MAMLD1: variants seen among roughly 807,000 people sequenced by gnomAD.
The protein encoded by MAMLD1 is mastermind like domain containing 1.
A neutral mutation model predicts 45.0 loss-of-function variants in MAMLD1; 14 were observed. That is an observed-to-expected ratio of 0.31 (90% CI 0.21 to 0.49). MAMLD1 has a LOEUF of 0.49. MAMLD1 is among the 20% of genes least tolerant of loss of function. The pLI is 0.99. For synonymous variants in MAMLD1, 254 were observed against 247.8 expected, an observed-to-expected ratio of 1.02 and a Z score of -0.24; for missense variants, 543 against 603.6, an observed-to-expected ratio of 0.90 and a Z score of 1.05.
chrX:150,406,179 T>A lies in MAMLD1; in HGVS notation c.-63-39275T>A, dbSNP rs1557402662. The stretch of plus-strand genomic sequence containing the variant: ...ACATGGTGCTTAGGACCTTATAGTG[T>A]CTCTTTTTAACCCTCGCAGCATCTG... On this transcript the variant is annotated intron_variant, in intron 1 of 7. Transcript: ENST00000370401. Among the ~76,000 whole-genome samples the A allele has an allele frequency of 3.6e-5, 4 of 110,996 alleles. No homozygotes were observed. The South Asian group carries it at 1.2e-3, about 32-fold the overall frequency.
At chrX:150,473,977 C>A (rs970109973) in intron 5 of MAMLD1, among the ~76,000 whole-genome samples, 175 bp downstream of exon 5, 1 of 111,542 alleles carries the variant, frequency 9.0e-6, no homozygotes, top group Non-Finnish European at 1.9e-5. Context: ...GGAGAAAGAC[C>A]GAACAGTCAA....
intron 3 of MAMLD1, among the ~76,000 whole-genome samples, chrX:150,464,476 T>C (rs2036155440): frequency 8.9e-6 from 1 of 112,361 alleles, no homozygotes; most frequent in Non-Finnish European, 1.9e-5. Context: ...GAAAGATCAG[T>C]TTCAGTTTGC....
At chrX:150,418,476 C>T (rs1557403210) in intron 1 of MAMLD1, among the ~76,000 whole-genome samples, 4 of 102,694 alleles carry the variant, frequency 3.9e-5, no homozygotes, top group South Asian at 4.7e-4. Flanking sequence ...TTGCCTTCTG[C>T]TAGCTTTTGA....
At chrX:150,454,913 G>A (rs957186146) in intron 2 of MAMLD1, among the ~76,000 whole-genome samples, 1 of 109,800 alleles carries the variant, frequency 9.1e-6, no homozygotes, top group South Asian at 4.0e-4. Flanking sequence ...CCTTACCTCC[G>A]TCATTACCAC....
chrX:150,448,297 G>A (rs1329281340), intron 2 of MAMLD1, among the ~76,000 whole-genome samples: 1 of 111,884 alleles, frequency 8.9e-6, no homozygotes, highest in East Asian at 2.8e-4. Context: ...CATTTTTGGG[G>A]CATTATCTCC....
chrX:150,490,788 A>C (rs2037161430), intron 5 of MAMLD1, among the ~76,000 whole-genome samples: 1 of 111,975 alleles, frequency 8.9e-6, no homozygotes, highest in Admixed American at 9.5e-5. Flanking sequence ...CTTCAACAAA[A>C]TACTAGCAAA....
intron 1 of MAMLD1, among the ~76,000 whole-genome samples, chrX:150,387,986 A>G (rs2033009143): frequency 9.0e-6 from 1 of 111,677 alleles, no homozygotes; most frequent in Admixed American, 9.5e-5. Context: ...TTTATTTATA[A>G]TTGTCTTTTT....
intron 1 of MAMLD1, among the ~76,000 whole-genome samples, chrX:150,404,158 A>G (rs1261463543): frequency 1.8e-5 from 2 of 110,843 alleles, no homozygotes; most frequent in Non-Finnish European, 1.9e-5. Context: ...ATTTCACAGG[A>G]CATCTTACTT....
intron 3 of MAMLD1, 21 bp from the exon 4 acceptor site, chrX:150,469,719 CCTCTT>C (rs1224948817): frequency 6.0e-6 from 7 of 1,167,953 alleles, no homozygotes; most frequent in South Asian, 1.8e-5. Flanking sequence ...CCTCTCTTCT[CCTCTT>C]CTCTTCTCTT....
At chrX:150,447,956 A>AAAAC (rs782397066) in intron 2 of MAMLD1, among the ~76,000 whole-genome samples, 20 of 112,403 alleles carry the variant, frequency 1.8e-4, no homozygotes, top group Non-Finnish European at 3.0e-4. Context: ...TCTTTCCTAG[A>AAAAC]AAACAAACAA....
At chrX:150,477,018 G>A (rs2036599548) in intron 5 of MAMLD1, among the ~76,000 whole-genome samples, 1 of 113,083 alleles carries the variant, frequency 8.8e-6, no homozygotes, top group Admixed American at 9.2e-5. Context: ...AGCACCCAGG[G>A]CCTGAAGATA....
chrX:150,380,134 A>G (rs1188758892), intron 1 of MAMLD1, among the ~76,000 whole-genome samples: 4 of 112,270 alleles, frequency 3.6e-5, no homozygotes, highest in Non-Finnish European at 1.9e-5. Flanking sequence ...ACCAATTTGC[A>G]TTCCCATTAG....
chrX:150,399,173 G>A (rs782046513), intron 1 of MAMLD1, among the ~76,000 whole-genome samples: 11 of 111,938 alleles, frequency 9.8e-5, no homozygotes, highest in African/African-American at 3.2e-4. Context: ...CCCCCTGGGA[G>A]GTGGCTGTGG....
intron 1 of MAMLD1, among the ~76,000 whole-genome samples, chrX:150,369,381 G>A (rs1377473257): frequency 8.9e-6 from 1 of 112,351 alleles, no homozygotes; most frequent in South Asian, 3.7e-4. Flanking sequence ...GAAACATCAA[G>A]TTCAACCTTG....
Position 150,445,611 on chromosome X carries a change from C to T in MAMLD1, c.95C>T (p.Ser32Leu), listed in dbSNP as rs1557404758. Residue 32 changes from serine (S) to leucine (L), a missense_variant and splice_region_variant, in exon 2 of 8, where the codon TCG (serine) becomes TTG (leucine). By Grantham distance (145) the Ser-to-Leu change is moderately radical (BLOSUM62 -2). Transcript: ENST00000370401. ...CAGGAGCCCAGAAAGCTCCAGGAAT[C>T]GGTCAGACAATGGGCCATGGGGGGA... ...NRQEPRKLQE[S>L]GKKPSWMEEE... 1 of 1,186,592 alleles carries T rather than the reference C, an allele frequency of 8.4e-7. No individual in the cohort carries two copies.
At chrX:150,403,996 G>GA (rs1244362021) in intron 1 of MAMLD1, among the ~76,000 whole-genome samples, 1 of 73,862 alleles carries the variant, frequency 1.4e-5, no homozygotes, top group Non-Finnish European at 2.9e-5. Flanking sequence ...AAGAAAGAAA[G>GA]AAGAAAGGAA....
rs1569564631 is a variant in MAMLD1, at chrX:150,398,340, AGAGGAAGAG to A, written c.-64+34813_-64+34821del. ...AAGAAGAAGAAGAAGAAGAAGAAGA[AGAGGAAGAG>A]GAAGAGGAAGAGGAAGAGGAAGAGG... is the stretch of plus-strand genomic sequence containing the variant. On this transcript the variant is annotated intron_variant, in intron 1 of 7. Transcript: ENST00000370401. 1.6e-3 allele frequency among the ~76,000 whole-genome samples: 98 copies of A among 62,437 alleles called. 2 individuals are homozygous for A. The highest frequency in any genetic ancestry group is 3.5e-3 in the African/African-American group (61 of 17,642). The allele number at this position is 62,437 out of a possible 115,157, so 54.2% of individuals were successfully genotyped here.
chrX:150,365,335 T>C (rs2031338417), intron 1 of MAMLD1, among the ~76,000 whole-genome samples: 1 of 110,924 alleles, frequency 9.0e-6, no homozygotes, highest in Non-Finnish European at 1.9e-5. Context: ...GCACGGAGCC[T>C]CAGCCCCGGC....
At chrX:150,489,611 G>A (rs1323915978) in intron 5 of MAMLD1, among the ~76,000 whole-genome samples, 1 of 107,359 alleles carries the variant, frequency 9.3e-6, no homozygotes, top group Non-Finnish European at 1.9e-5. Context: ...TTTTGCACCA[G>A]CCTAATATTA....
Sources: gnomAD v4.1 joint callset for allele counts (sites outside exome capture counted in the v4.1 genomes callset) on GRCh38, gnomAD v4.1.1 for gene constraint, MANE v1.5 for transcripts, NCBI Gene and HGNC (gene_info 2026-07-23, HGNC 2026-07-21) for gene names.